FSIP1: variants seen among roughly 807,000 people sequenced by gnomAD.
The protein encoded by FSIP1 is fibrous sheath interacting protein 1.
A neutral mutation model predicts 60.9 loss-of-function variants in FSIP1; 65 were observed. That is an observed-to-expected ratio of 1.07 (90% CI 0.87 to 1.31). The LOEUF (loss-of-function observed/expected upper bound fraction) is 1.31, where lower values mean the gene tolerates loss of function less well. FSIP1 is among the 40% of genes most tolerant of loss of function. The pLI is 0.00. For missense variants in FSIP1, 675 were observed against 665.5 expected (o/e 1.01, Z -0.16); for synonymous variants, 209 against 221.2 (o/e 0.94, Z 0.49).
chr15:39,621,296 T>C (rs943493198), intron 10 of FSIP1, among the ~76,000 whole-genome samples: 2 of 152,222 alleles, frequency 1.3e-5, no homozygotes, highest in Non-Finnish European at 2.9e-5. Context: ...GGCCCTGAGC[T>C]GAATCTTCAC....
chr15:39,665,864 G>A (rs1893475890), intron 10 of FSIP1, among the ~76,000 whole-genome samples: 1 of 151,990 alleles, frequency 6.6e-6, no homozygotes, highest in Admixed American at 6.6e-5. Context: ...CAGAGTACAA[G>A]AGCTGCTTTT....
At chr15:39,607,059 T>C (rs1015993487) in intron 11 of FSIP1, among the ~76,000 whole-genome samples, 3 of 152,164 alleles carry the variant, frequency 2.0e-5, no homozygotes, top group Admixed American at 6.5e-5. Context: ...GAACTTGCAG[T>C]GGAAGCATCC....
In FSIP1 at chr15:39,648,458, T is replaced by G. The variant is rs141082047; in HGVS notation, c.1189-30213A>C. Among the ~76,000 whole-genome samples the G allele has an allele frequency of 4.6e-3, 706 of 152,272 alleles. 3 individuals carry two copies. The highest frequency in any genetic ancestry group is 7.3e-3 in the Non-Finnish European group (494 of 68,020). On this transcript the variant is annotated intron_variant, in intron 10 of 11. Coordinates refer to ENST00000350221, the MANE Select transcript of FSIP1 (RefSeq NM_152597.5). ...GAAGGTGAGACATACGCATCGTAAG[T>G]TCTTAAAAGTTCTCCAGGTGATTCT... is the stretch of plus-strand genomic sequence containing the variant.
Position 39,736,741 on chromosome 15 carries a change from T to G in FSIP1, c.891+1350A>C, listed in dbSNP as rs139066104. Among the ~76,000 whole-genome samples the G allele has an allele frequency of 5.9e-3, 892 of 152,304 alleles. 7 individuals carry two copies. The highest frequency in any genetic ancestry group is 0.02 in the African/African-American group (841 of 41,576). ...AAGGATTCTTGTTCAAGTAATTCACTGGGAGAGTGCCTTTGGGACCAGGGA... is the reference window on the plus strand; with the variant it reads ...AAGGATTCTTGTTCAAGTAATTCACGGGGAGAGTGCCTTTGGGACCAGGGA... On this transcript the variant is annotated intron_variant, in intron 8 of 11. Coordinates refer to ENST00000350221, the MANE Select transcript of FSIP1 (RefSeq NM_152597.5).
intron 5 of FSIP1, among the ~76,000 whole-genome samples, chr15:39,760,946 T>G (rs1897475599): frequency 6.6e-6 from 1 of 152,132 alleles, no homozygotes; most frequent in Non-Finnish European, 1.5e-5. Flanking sequence ...AAAATAAAAC[T>G]TAATGGCATA....
At chr15:39,602,085 A>T (rs536476501) in intron 11 of FSIP1, among the ~76,000 whole-genome samples, 2 of 152,316 alleles carry the variant, frequency 1.3e-5, no homozygotes, top group South Asian at 4.2e-4. Context: ...TCATCCCTGC[A>T]ACCTGTGAAA....
At chr15:39,679,469 G>C (rs58813139) in intron 10 of FSIP1, among the ~76,000 whole-genome samples, 4,900 of 152,236 alleles carry the variant, frequency 0.032, 253 homozygotes, top group African/African-American at 0.11. Context: ...AGGTATGGTG[G>C]CTCGCGCCTG....
chr15:39,761,248 T>C (rs558429146), intron 5 of FSIP1, among the ~76,000 whole-genome samples: 10 of 152,286 alleles, frequency 6.6e-5, no homozygotes, highest in African/African-American at 2.4e-4. Flanking sequence ...TTGGAATTCG[T>C]TTGTCAACGA....
chr15:39,694,116 G>A lies in FSIP1; in HGVS notation c.1188+19328C>T, dbSNP rs1894716532. Among the ~76,000 whole-genome samples, 4 of 151,332 alleles carry A rather than the reference G, an allele frequency of 2.6e-5. No homozygotes were observed. The South Asian group carries it at 8.3e-4, about 31-fold the overall frequency. On this transcript the variant is annotated intron_variant, in intron 10 of 11. Coordinates refer to ENST00000350221, the MANE Select transcript of FSIP1 (RefSeq NM_152597.5). ...TAACAAGCACTTTGCAAACTATGAT[G>A]CACTATATAAATAAAGGAATAATTA...
chr15:39,635,877 T>C (rs1450097330), intron 10 of FSIP1, among the ~76,000 whole-genome samples: 1 of 152,042 alleles, frequency 6.6e-6, no homozygotes, highest in Non-Finnish European at 1.5e-5. Context: ...GGAGTCCCAT[T>C]TCAACGGTAC....
intron 10 of FSIP1, among the ~76,000 whole-genome samples, chr15:39,650,630 G>A (rs1165366021): frequency 1.3e-5 from 2 of 152,090 alleles, no homozygotes; most frequent in Admixed American, 6.6e-5. Flanking sequence ...TTTTGAAAAC[G>A]ACTTTATGTA....
intron 10 of FSIP1, among the ~76,000 whole-genome samples, chr15:39,674,006 T>C (rs1268378184): frequency 2.0e-5 from 3 of 152,052 alleles, no homozygotes; most frequent in East Asian, 1.9e-4. Context: ...ATATAAACTT[T>C]AGTAAATTAA....
chr15:39,632,925 G>A (rs977358164), intron 10 of FSIP1, among the ~76,000 whole-genome samples: 6 of 151,968 alleles, frequency 3.9e-5, no homozygotes, highest in Admixed American at 6.6e-5. Context: ...CTCTCAAATC[G>A]GGTAATAAGA....
At chr15:39,768,520 C>A (rs2171312) in intron 3 of FSIP1, among the ~76,000 whole-genome samples, 21,100 of 152,140 alleles carry the variant, frequency 0.14, 1,810 homozygotes, top group Admixed American at 0.27. Flanking sequence ...TATTCTCAAA[C>A]AAATTAGTGA....
At chr15:39,659,329 T>G (rs1056806887) in intron 10 of FSIP1, among the ~76,000 whole-genome samples, 1 of 151,792 alleles carries the variant, frequency 6.6e-6, no homozygotes, top group Non-Finnish European at 1.5e-5. Context: ...GATCAAGAGG[T>G]CAGGAGATCG....
intron 10 of FSIP1, among the ~76,000 whole-genome samples, chr15:39,703,860 G>A (rs1163083337): frequency 1.3e-5 from 2 of 152,066 alleles, no homozygotes; most frequent in Admixed American, 6.5e-5. Context: ...ACTTTTAAAA[G>A]GTTACTGGGT....
intron 10 of FSIP1, among the ~76,000 whole-genome samples, chr15:39,650,966 G>C (rs1408077097): frequency 6.6e-6 from 1 of 152,148 alleles, no homozygotes; most frequent in Non-Finnish European, 1.5e-5. Flanking sequence ...GAATGACTCG[G>C]CAATCACAGC....
chr15:39,770,653 T>G lies in FSIP1; in HGVS notation c.127-43A>C, dbSNP rs774273356. 18 of 1,275,498 alleles carry G rather than the reference T, an allele frequency of 1.4e-5. No individual in the cohort carries two copies. In the Middle Eastern group the frequency reaches 7.8e-4, roughly 55 times the overall value. The allele number at this position is 1,275,498 out of a possible 1,614,324, so 79.0% of individuals were successfully genotyped here. A position where few individuals can be genotyped will look rare whatever the true frequency, so the allele number is the denominator to read the frequency against. On this transcript the variant is annotated intron_variant, in intron 2 of 11. Transcript: ENST00000350221. ...AAAAAAACAGTTTCCGAAAATACTG[T>G]CTTTTTTTAAACTTTACATTTCTAG...
chr15:39,624,763 G>A (rs930664017), intron 10 of FSIP1, among the ~76,000 whole-genome samples: 4 of 152,194 alleles, frequency 2.6e-5, no homozygotes, highest in African/African-American at 9.7e-5. Flanking sequence ...CTGGGGGCCA[G>A]GGACAATCTG....
Sources: allele counts gnomAD v4.1 joint callset (sites outside exome capture counted in the v4.1 genomes callset), GRCh38; gene constraint gnomAD v4.1.1; transcripts MANE v1.5; gene names NCBI Gene and HGNC (gene_info 2026-07-23, HGNC 2026-07-21).